MED13L: variants seen among roughly 807,000 people sequenced by gnomAD.
The protein encoded by MED13L is mediator complex subunit 13L, also known as mediator of RNA polymerase II transcription subunit 13-like.
In MED13L, 7 loss-of-function variants were observed where a neutral mutation model predicts 220.9. The observed-to-expected ratio is 0.03, with a 90% CI of 0.02 to 0.06. The LOEUF (loss-of-function observed/expected upper bound fraction) is 0.06. Among genes scored for constraint, MED13L ranks in the 10% least tolerant of loss-of-function variants. The pLI is 1.00. For missense variants in MED13L, 1,965 were observed against 2,760.5 expected, an observed-to-expected ratio of 0.71 and a Z score of 6.46; for synonymous variants, 1,011 against 1,015.2, an observed-to-expected ratio of 1.00 and a Z score of 0.08.
chr12:116,108,394 G>C (rs537876110), intron 3 of MED13L, among the ~76,000 whole-genome samples: 1 of 140,120 alleles, frequency 7.1e-6, no homozygotes, highest in South Asian at 2.6e-4. Flanking sequence ...AAAGAAAGGG[G>C]GGGGGGGCGC....
chr12:116,042,730 C>T (rs1488953007), intron 4 of MED13L, among the ~76,000 whole-genome samples: 6 of 152,108 alleles, frequency 3.9e-5, no homozygotes, highest in Non-Finnish European at 2.9e-5. Context: ...ACACACATTT[C>T]TTCTCCCTGG....
chr12:116,175,582 A>G (rs1275043382), intron 2 of MED13L, among the ~76,000 whole-genome samples: 1 of 152,226 alleles, frequency 6.6e-6, no homozygotes, highest in African/African-American at 2.4e-5. Flanking sequence ...TTTAAGAAAC[A>G]TTAACTCTTC....
intron 2 of MED13L, among the ~76,000 whole-genome samples, chr12:116,153,337 A>C (rs2138101327): frequency 6.6e-6 from 1 of 152,204 alleles, no homozygotes; most frequent in South Asian, 2.1e-4. Flanking sequence ...TAAAAGCCAA[A>C]ATGTGGAACA....
chr12:115,991,729 A>T lies in MED13L; in HGVS notation c.3225T>A (p.Asp1075Glu). The T allele has an allele frequency of 6.2e-7, 1 of 1,613,852 alleles. No individual in the cohort carries two copies. Among genetic ancestry groups the T allele is most frequent in the Non-Finnish European group, 8.5e-7 (1 of 1,179,904 alleles). The change falls in exon 17 of 31, where the codon GAT becomes GAA. Residue 1075 changes from aspartate (D) to glutamate (E), a missense_variant. Physicochemically the swap from Asp to Glu is conservative, Grantham distance 45 (BLOSUM62 2). Transcript: ENST00000281928. This position sits in a 1 kb window ranked among gnomAD's most constrained non-coding sequence, Gnocchi z 7.7. ...AGGCTGGTGATCCTTGATCGGTGCTATCATACTTAACAGACCCTTGACCAC... is the reference window on the plus strand; with the variant it reads ...AGGCTGGTGATCCTTGATCGGTGCTTTCATACTTAACAGACCCTTGACCAC... ...TASGQGSVKYDSTDQGSPAST... is the reference protein window; with the variant it reads ...TASGQGSVKYESTDQGSPAST...
intron 2 of MED13L, among the ~76,000 whole-genome samples, chr12:116,141,909 C>A (rs1012599607): frequency 6.6e-6 from 1 of 152,104 alleles, no homozygotes; most frequent in Non-Finnish European, 1.5e-5. Flanking sequence ...CCCCCACACC[C>A]TACCCCAGCT....
intron 2 of MED13L, among the ~76,000 whole-genome samples, chr12:116,164,772 C>G (rs2138153021): frequency 6.6e-6 from 1 of 152,248 alleles, no homozygotes; most frequent in Non-Finnish European, 1.5e-5. Flanking sequence ...CACCAAGAAA[C>G]AGATGTTAAA....
At chr12:116,229,858 C>T (rs1285760664) in intron 2 of MED13L, among the ~76,000 whole-genome samples, 1 of 152,138 alleles carries the variant, frequency 6.6e-6, no homozygotes, top group African/African-American at 2.4e-5. Flanking sequence ...AAACTTACTA[C>T]TTTATAGCTT....
At position 116,020,875 on chromosome 12, in the gene MED13L, C is replaced by CT. The variant is rs199600458; in HGVS notation, c.626-904dup. 3.4e-3 allele frequency among the ~76,000 whole-genome samples: 512 copies of CT among 151,916 alleles called. 1 individual carries two copies. Among genetic ancestry groups the CT allele is most frequent in the African/African-American group, 8.6e-3 (357 of 41,442 alleles). ...TCAGCATGGTCATTAAACGGAATGT[C>CT]TTTTTTTTAATTTTTTTAAAGAGCT... On this transcript the variant is annotated intron_variant, in intron 5 of 30. Coordinates refer to ENST00000281928, the MANE Select transcript of MED13L (RefSeq NM_015335.5).
At chr12:116,054,213 A>C (rs80130194) in intron 4 of MED13L, among the ~76,000 whole-genome samples, 30 of 131,096 alleles carry the variant, frequency 2.3e-4, no homozygotes, top group East Asian at 1.8e-3. Flanking sequence ...CACACACACA[A>C]ACACACACAC....
chr12:116,260,268 C>T (rs1322952925), intron 1 of MED13L, among the ~76,000 whole-genome samples: 5 of 152,158 alleles, frequency 3.3e-5, no homozygotes, highest in South Asian at 4.1e-4. Flanking sequence ...GGATAGTACA[C>T]GCTGTGCCAA....
At chr12:116,252,988 G>A (rs559033976) in intron 1 of MED13L, among the ~76,000 whole-genome samples, 11 of 152,138 alleles carry the variant, frequency 7.2e-5, no homozygotes, top group African/African-American at 4.8e-5. Context: ...AGGGCCAGGC[G>A]TGATGGCTCA....
At chr12:116,104,343 A>G (rs1873366615) in intron 3 of MED13L, among the ~76,000 whole-genome samples, 3 of 151,914 alleles carry the variant, frequency 2.0e-5, no homozygotes, top group Admixed American at 6.6e-5. Flanking sequence ...CTATTGCATC[A>G]CCTCTATTAC....
chr12:116,101,579 G>A (rs17580303), intron 3 of MED13L, among the ~76,000 whole-genome samples: 3 of 152,036 alleles, frequency 2.0e-5, no homozygotes, highest in East Asian at 1.9e-4. Context: ...ATAGCCCATC[G>A]TATCCCACTG....
chr12:116,152,162 G>A (rs1024833638), intron 2 of MED13L, among the ~76,000 whole-genome samples: 3 of 152,072 alleles, frequency 2.0e-5, no homozygotes, highest in Middle Eastern at 3.2e-3. Flanking sequence ...TAGGATCTCC[G>A]TATAAAGCCC....
At chr12:115,982,674 T>C (rs1877409921) in intron 21 of MED13L, 71 bp from the exon 22 acceptor site, 1 of 1,277,526 alleles carries the variant, frequency 7.8e-7, no homozygotes, top group Non-Finnish European at 1.1e-6. Context: ...ACAAAAGGGC[T>C]CAATTCTAGA....
chr12:116,097,089 G>C (rs1205741477), intron 3 of MED13L, among the ~76,000 whole-genome samples: 1 of 151,802 alleles, frequency 6.6e-6, no homozygotes, highest in Non-Finnish European at 1.5e-5. Flanking sequence ...AAGAATGTTA[G>C]GAATACAGCA....
rs5801172 is a variant in MED13L at position 116,274,613 on chromosome 12, C to CAA, written c.72+2445_72+2446dup. On this transcript the variant is annotated intron_variant, in intron 1 of 30. Transcript: ENST00000281928. ...GGTTGCTACTGCTGTATAGCATTTT[C>CAA]AAAAAAAAAAAATCTCAATTTGGAA... Among the ~76,000 whole-genome samples, 1,439 of 144,008 alleles carry CAA rather than the reference C, an allele frequency of 1.0e-2. 9 individuals are homozygous for CAA. The highest frequency in any genetic ancestry group is 0.042 in the Middle Eastern group (12 of 284). The allele number at this position is 144,008 out of a possible 152,430, so 94.5% of individuals were successfully genotyped here. A position where few individuals can be genotyped will look rare whatever the true frequency, so the allele number is the denominator to read the frequency against.
intron 16 of MED13L, among the ~76,000 whole-genome samples, chr12:115,994,266 G>T (rs1878257794): frequency 6.6e-6 from 1 of 152,016 alleles, no homozygotes; most frequent in Admixed American, 6.6e-5. Context: ...GGCAACACAG[G>T]GAGACACAAA....
intron 2 of MED13L, among the ~76,000 whole-genome samples, chr12:116,153,587 T>C (rs1317793422): frequency 6.6e-6 from 1 of 152,200 alleles, no homozygotes; most frequent in Non-Finnish European, 1.5e-5. Context: ...AAAAGCAAGT[T>C]AAATTCACTC....
Sources: allele counts gnomAD v4.1 joint callset (sites outside exome capture counted in the v4.1 genomes callset), GRCh38; gene constraint gnomAD v4.1.1; non-coding constraint Gnocchi (gnomAD v3.1); transcripts MANE v1.5; gene names NCBI Gene and HGNC (gene_info 2026-07-23, HGNC 2026-07-21).